Variants in BTBD8 observed in about 807,000 individuals in gnomAD.
BTBD8 encodes the protein BTB/POZ domain-containing protein 8.
In BTBD8, 110 loss-of-function variants were observed where a neutral mutation model predicts 162.9. That is an observed-to-expected ratio of 0.68 (90% confidence interval 0.58 to 0.79). The LOEUF (loss-of-function observed/expected upper bound fraction) is 0.79. BTBD8 is among the 30% of genes least tolerant of loss of function. BTBD8 has a pLI of 0.00. For missense variants in BTBD8, 1,905 were observed against 2,085.4 expected, an observed-to-expected ratio of 0.91 and a Z score of 1.68; for synonymous variants, 667 against 716.1, an observed-to-expected ratio of 0.93 and a Z score of 1.10.
At position 92,141,521 on chromosome 1, in the gene BTBD8, A is replaced by G. The variant is rs138677150; in HGVS notation, c.930+310A>G. Among the ~76,000 whole-genome samples the G allele has an allele frequency of 3.0e-4, 45 of 152,268 alleles. No homozygotes were observed. The East Asian group carries it at 3.9e-3, about 13-fold the overall frequency. ...GTTAAGAACTAAGGTTACTTTCCCCATTTATCAAAGGGCTACACAGTGCTT... is the reference window on the plus strand; with the variant it reads ...GTTAAGAACTAAGGTTACTTTCCCCGTTTATCAAAGGGCTACACAGTGCTT... On this transcript the variant is annotated intron_variant, in intron 7 of 17. Transcript: ENST00000636805.
intron 4 of BTBD8, chr1:92,125,882 C>A: frequency 7.1e-6 from 3 of 420,358 alleles, no homozygotes; most frequent in South Asian, 6.3e-5. Flanking sequence ...ATGTCTGTGT[C>A]AATGATGAAT....
intron 9 of BTBD8, among the ~76,000 whole-genome samples, chr1:92,156,072 C>G (rs1422424113): frequency 1.3e-5 from 2 of 152,030 alleles, no homozygotes; most frequent in Non-Finnish European, 2.9e-5. Context: ...GGCTTGTGGC[C>G]TCTATTATGT....
chr1:92,119,678 G>A (rs1482877655), intron 4 of BTBD8, among the ~76,000 whole-genome samples: 5 of 150,226 alleles, frequency 3.3e-5, no homozygotes, highest in Admixed American at 6.6e-5. Context: ...CCAGGCTGGA[G>A]TGCAGTGGCG....
In BTBD8 at chr1:92,167,434, G is replaced by A. The variant is rs143974533; in HGVS notation, c.1305+294G>A. On this transcript the variant is annotated intron_variant, in intron 10 of 17. Transcript: ENST00000636805. The stretch of plus-strand genomic sequence containing the variant: ...CATTTTAGAAACCAAAGTCATAAAG[G>A]TACTGTTTTGGCCAGTAATACAATT... 1.8e-3 allele frequency among the ~76,000 whole-genome samples: 267 copies of A among 152,292 alleles called. 3 individuals carry two copies. The highest frequency in any genetic ancestry group is 5.9e-3 in the African/African-American group (244 of 41,580).
intron 2 of BTBD8, among the ~76,000 whole-genome samples, chr1:92,090,153 C>G (rs1332862536): frequency 1.3e-5 from 2 of 151,976 alleles, no homozygotes; most frequent in East Asian, 3.9e-4. Flanking sequence ...GAGTATATAC[C>G]TAGGAGTGGG....
chr1:92,157,075 C>T (rs976354408), intron 9 of BTBD8, among the ~76,000 whole-genome samples: 2 of 151,148 alleles, frequency 1.3e-5, no homozygotes, highest in Non-Finnish European at 2.9e-5. Flanking sequence ...AAACTTTGCT[C>T]TTAGTTCTGC....
intron 9 of BTBD8, among the ~76,000 whole-genome samples, chr1:92,159,299 C>T (rs982079596): frequency 6.6e-6 from 1 of 151,968 alleles, no homozygotes; most frequent in Non-Finnish European, 1.5e-5. Context: ...CACAGCCTCC[C>T]AAGTAGCTGG....
intron 4 of BTBD8, among the ~76,000 whole-genome samples, chr1:92,113,873 G>T (rs1366820778): frequency 1.3e-5 from 2 of 151,736 alleles, no homozygotes; most frequent in Non-Finnish European, 2.9e-5. Flanking sequence ...TTAACCAGGC[G>T]CAGTGGCATG....
intron 17 of BTBD8, among the ~76,000 whole-genome samples, chr1:92,183,523 T>C (rs1021150574): frequency 6.7e-6 from 1 of 148,656 alleles, no homozygotes; most frequent in South Asian, 2.1e-4. Flanking sequence ...ACACTATGTC[T>C]TTTTTTTTTC....
At chr1:92,094,733 T>C (rs963622154) in intron 2 of BTBD8, among the ~76,000 whole-genome samples, 11 of 152,210 alleles carry the variant, frequency 7.2e-5, no homozygotes, top group African/African-American at 9.7e-5. Flanking sequence ...AAATCCTTGA[T>C]TTCCCAAGAA....
intron 11 of BTBD8, 59 bp downstream of exon 11, chr1:92,168,044 T>A (rs1182035673): frequency 1.4e-6 from 2 of 1,429,466 alleles, no homozygotes; most frequent in East Asian, 2.6e-5. Flanking sequence ...GATTTTTAGA[T>A]GTATGTGCAT....
intron 4 of BTBD8, among the ~76,000 whole-genome samples, chr1:92,118,656 T>C (rs1649107867): frequency 6.6e-6 from 1 of 151,978 alleles, no homozygotes; most frequent in Admixed American, 6.5e-5. Flanking sequence ...AGGGGTATTA[T>C]CCACATAAAT....
chr1:92,182,996 C>A (rs572887487), intron 17 of BTBD8, among the ~76,000 whole-genome samples: 2 of 152,140 alleles, frequency 1.3e-5, no homozygotes, highest in Admixed American at 1.3e-4. Flanking sequence ...TGTGCAATAA[C>A]TCTAGTAATA....
At chr1:92,089,216 G>C (rs1022186560) in intron 2 of BTBD8, among the ~76,000 whole-genome samples, 2 of 152,038 alleles carry the variant, frequency 1.3e-5, no homozygotes, top group Non-Finnish European at 2.9e-5. Context: ...CTATTCCAGG[G>C]TTTCTCAGTA....
At chr1:92,125,280 G>C (rs1649325112) in intron 4 of BTBD8, 1 of 174,038 alleles carries the variant, frequency 5.7e-6, no homozygotes, top group Non-Finnish European at 1.2e-5. Context: ...GGGGACCTGA[G>C]ACACTCAGAG....
intron 5 of BTBD8, among the ~76,000 whole-genome samples, chr1:92,135,139 A>G (rs1390249690): frequency 6.6e-6 from 1 of 151,916 alleles, no homozygotes; most frequent in Non-Finnish European, 1.5e-5. Flanking sequence ...GATCCACCTC[A>G]GCCTTCCAAA....
intron 4 of BTBD8, chr1:92,115,593 C>G: frequency 2.6e-6 from 1 of 386,326 alleles, no homozygotes. Context: ...GATGGGATTT[C>G]CATTGATGTC....
At position 92,178,429 on chromosome 1, in the gene BTBD8, A is replaced by G. The variant is rs892968218; in HGVS notation, c.2559A>G (p.Pro853=). ...TAAQQRTKST[P]SNLTKTQGSQ... ...CTCAGCAGAGGACAAAGAGTACCCC[A>G]TCTAATCTTACTAAAACTCAAGGTA... is the stretch of plus-strand genomic sequence containing the variant. The change falls in exon 16 of 18, where the codon CCA becomes CCG. Residue 853 remains proline, a synonymous_variant. Transcript: ENST00000636805. The G allele has an allele frequency of 1.3e-6, 2 of 1,549,130 alleles. No individual in the cohort carries two copies. The highest frequency in any genetic ancestry group is 2.7e-5 in the African/African-American group (2 of 73,074).
intron 5 of BTBD8, among the ~76,000 whole-genome samples, chr1:92,138,267 C>T (rs1031988693): frequency 1.6e-4 from 25 of 152,196 alleles, no homozygotes; most frequent in African/African-American, 6.0e-4. Flanking sequence ...AATCAACTTA[C>T]ACAACACCTT....
Sources: gnomAD v4.1 joint callset for allele counts (sites outside exome capture counted in the v4.1 genomes callset) on GRCh38, gnomAD v4.1.1 for gene constraint, MANE v1.5 for transcripts, NCBI Gene and HGNC (gene_info 2026-07-23, HGNC 2026-07-21) for gene names.